ZNF574: variants seen among roughly 807,000 people sequenced by gnomAD.
The protein encoded by ZNF574 is zinc finger protein 574.
ZNF574 carries 25 observed loss-of-function variants against 56.6 expected under a neutral mutation model. That is an observed-to-expected ratio of 0.44 (90% CI 0.32 to 0.62). The LOEUF (loss-of-function observed/expected upper bound fraction) is 0.62. Among genes scored for constraint, ZNF574 ranks in the 20% least tolerant of loss-of-function variants. ZNF574 has a pLI of 0.04. For missense variants in ZNF574, 1,065 were observed against 1,218.9 expected (o/e 0.87, Z 1.88); for synonymous variants, 543 against 492.1 (o/e 1.10, Z -1.37).
In ZNF574 at chr19:42,079,346, C is replaced by G. The variant is rs374849520; in HGVS notation, c.740C>G (p.Pro247Arg). ...GCTCCTGTACCCGAGTCTCAGGAGC[C>G]TGCCTTACAGCAGGAGGTGCAGGCC... is the stretch of plus-strand genomic sequence containing the variant. ...FPAPVPESQE[P>R]ALQQEVQASS... Residue 247 changes from proline (P) to arginine (R), a missense_variant, in exon 2 of 2, where the codon CCT (proline) becomes CGT (arginine). Physicochemically the swap from Pro to Arg is moderately radical, Grantham distance 103. Transcript: ENST00000359044. The surrounding 1 kb of genome is among the most constrained non-coding windows in gnomAD (Gnocchi z 4.3). The G allele has an allele frequency of 6.2e-7, 1 of 1,613,334 alleles. No individual in the cohort carries two copies. The highest frequency in any genetic ancestry group is 8.5e-7 in the Non-Finnish European group (1 of 1,179,660).
upstream of ZNF574, among the ~76,000 whole-genome samples, chr19:42,072,373 T>C (rs901620500): frequency 1.3e-5 from 2 of 151,378 alleles, no homozygotes; most frequent in Non-Finnish European, 2.9e-5. Flanking sequence ...TAGCTGGTAC[T>C]ACAGGCGCCC....
chr19:42,081,014 T>C lies in ZNF574; in HGVS notation c.2408T>C (p.Phe803Ser). 6.2e-7 allele frequency: 1 copy of C among 1,614,212 alleles called. No homozygotes were observed. The highest frequency in any genetic ancestry group is 8.5e-7 in the Non-Finnish European group (1 of 1,180,046). ...PFACEVCGKA[F>S]AISMRLAEHR... ...GCCTGTGAAGTGTGTGGCAAGGCCTTTGCCATCTCCATGCGCCTGGCAGAA... is the reference window on the plus strand; with the variant it reads ...GCCTGTGAAGTGTGTGGCAAGGCCTCTGCCATCTCCATGCGCCTGGCAGAA... Residue 803 changes from phenylalanine to serine, a missense_variant, in exon 2 of 2, where the codon TTT becomes TCT. Physicochemically the swap from Phe to Ser is radical, Grantham distance 155 (BLOSUM62 -2). Transcript: ENST00000359044.
Position 42,078,811 on chromosome 19 carries a change from A to G in ZNF574, c.205A>G (p.Thr69Ala), listed in dbSNP as rs541722211. ...DTASGTGLYQ[T>A]LVQESQYQCL... ...AGCTTCAGGCACGGGCCTCTATCAG[A>G]CCCTTGTGCAGGAGAGCCAGTACCA... The change falls in exon 2 of 2, where the codon ACC (threonine) becomes GCC (alanine). Residue 69 changes from threonine to alanine, a missense_variant. Physicochemically the swap from Thr to Ala is moderately conservative, Grantham distance 58. Transcript: ENST00000359044. The G allele has an allele frequency of 6.2e-7, 1 of 1,613,890 alleles. No individual in the cohort carries two copies. Among genetic ancestry groups the G allele is most frequent in the East Asian group, 2.2e-5 (1 of 44,860 alleles).
upstream of ZNF574, among the ~76,000 whole-genome samples, chr19:42,071,722 C>T (rs911767406): frequency 7.2e-5 from 11 of 152,182 alleles, no homozygotes; most frequent in African/African-American, 2.2e-4. Flanking sequence ...ACCATCCTTT[C>T]GACCAGGGCG....
At chr19:42,076,008 A>T (rs2076452393), upstream of ZNF574, among the ~76,000 whole-genome samples, 1 of 152,196 alleles carries the variant, frequency 6.6e-6, no homozygotes, top group South Asian at 2.1e-4. Flanking sequence ...CGCTGCGGGG[A>T]ATCTCGACGC....
rs566806352 is a variant in ZNF574, at chr19:42,080,905, C to T, written c.2299C>T (p.Pro767Ser). The change falls in exon 2 of 2, where the codon CCA becomes TCA. Residue 767 changes from proline (P) to serine (S), a missense_variant. Pro to Ser is a moderately conservative substitution (Grantham distance 74). Coordinates refer to ENST00000359044, the MANE Select transcript of ZNF574 (RefSeq NM_022752.6). This position sits in a 1 kb window ranked among gnomAD's most constrained non-coding sequence, Gnocchi z 8.5. ...RRIHTGERPYPCPDCGKAFRQ... is the reference protein window; with the variant it reads ...RRIHTGERPYSCPDCGKAFRQ... ...CATCCACACAGGTGAGCGGCCATAC[C>T]CATGTCCAGACTGTGGCAAAGCGTT... The T allele has an allele frequency of 6.2e-7, 1 of 1,613,734 alleles. No individual in the cohort carries two copies. Among genetic ancestry groups the T allele is most frequent in the African/African-American group, 1.3e-5 (1 of 74,852 alleles).
upstream of ZNF574, among the ~76,000 whole-genome samples, chr19:42,071,736 G>A (rs2076425226): frequency 6.6e-6 from 1 of 152,086 alleles, no homozygotes; most frequent in South Asian, 2.1e-4. Context: ...CAGGGCGGTG[G>A]CTCATTCCTG....
At chr19:42,077,949 G>A (rs1001475908) in intron 1 of ZNF574, among the ~76,000 whole-genome samples, 3 of 152,062 alleles carry the variant, frequency 2.0e-5, no homozygotes, top group African/African-American at 7.2e-5. Flanking sequence ...ATAGTTTGAC[G>A]TGAGGAATCT....
At chr19:42,068,904 C>A (rs1197840192) in exon 1 of ZNF574, 4 of 684,848 alleles carry the variant, frequency 5.8e-6, no homozygotes, top group South Asian at 1.5e-5. Flanking sequence ...AAGAGCCAGT[C>A]TGGGACCAGG....
chr19:42,079,510 G>T lies in ZNF574; in HGVS notation c.904G>T (p.Gly302Cys), dbSNP rs2146215512. ...CCGGAGGAACAACAGTGGAGAAGCAGGCGGGGCAGCCACACAGGAGCTCTT... is the reference window on the plus strand; with the variant it reads ...CCGGAGGAACAACAGTGGAGAAGCATGCGGGGCAGCCACACAGGAGCTCTT... ...RARRNNSGEA[G>C]GAATQELFCS... is the part of the protein sequence containing the mutation. The change falls in exon 2 of 2, where the codon GGC becomes TGC. Residue 302 changes from glycine to cysteine, a missense_variant. Transcript: ENST00000359044. The surrounding 1 kb of genome is among the most constrained non-coding windows in gnomAD (Gnocchi z 4.3). The T allele has an allele frequency of 6.2e-7, 1 of 1,613,934 alleles. No homozygotes were observed. Among genetic ancestry groups the T allele is most frequent in the Non-Finnish European group, 8.5e-7 (1 of 1,180,038 alleles).
At position 42,080,949 on chromosome 19, in the gene ZNF574, G is replaced by C. The variant is rs747779543; in HGVS notation, c.2343G>C (p.Leu781=). ...AAGCGTTCCGTCAGAGTACCCACCT[G>C]AAAGACCACCGGCGCCTGCACACAG... ...CGKAFRQSTH[L]KDHRRLHTGE... Residue 781 remains leucine, a synonymous_variant, in exon 2 of 2, where the codon CTG becomes CTC. Transcript: ENST00000359044. This position sits in a 1 kb window ranked among gnomAD's most constrained non-coding sequence, Gnocchi z 8.5. 1 of 1,614,016 alleles carries C rather than the reference G, an allele frequency of 6.2e-7. No individual in the cohort carries two copies. Among genetic ancestry groups the C allele is most frequent in the South Asian group, 1.1e-5 (1 of 91,090 alleles).
In ZNF574 at chr19:42,079,915, C is replaced by G. The variant is rs2076484975; in HGVS notation, c.1309C>G (p.Pro437Ala). ...GGAACCTGTCATTGGTTTCCCTGAG[C>G]CAGCCCCAGCAGAGACTGGAGAGCC... ...PEEPVIGFPE[P>A]APAETGEPEA... The change falls in exon 2 of 2, where the codon CCA becomes GCA. Residue 437 changes from proline to alanine, a missense_variant. Physicochemically the swap from Pro to Ala is conservative, Grantham distance 27 (BLOSUM62 -1). Transcript: ENST00000359044. This position sits in a 1 kb window ranked among gnomAD's most constrained non-coding sequence, Gnocchi z 4.3. 1.2e-6 allele frequency: 2 copies of G among 1,613,968 alleles called. No homozygotes were observed. Among genetic ancestry groups the G allele is most frequent in the South Asian group, 2.2e-5 (2 of 91,086 alleles).
intron 1 of ZNF574, among the ~76,000 whole-genome samples, chr19:42,070,181 G>A (rs1351892327): frequency 1.3e-5 from 2 of 152,058 alleles, no homozygotes; most frequent in Non-Finnish European, 2.9e-5. Context: ...CCCGCCTGCC[G>A]CCTGCGCTGG....
Position 42,081,451 on chromosome 19 carries a change from C to T in ZNF574, c.*154C>T. ...GATTTATTCTCTCGTGAGGGGGGTG[C>T]TCTGGGGTCCTTGACACACATAAAG... is the stretch of plus-strand genomic sequence containing the variant. On this transcript the variant is annotated 3_prime_UTR_variant, in exon 2 of 2. Coordinates refer to ENST00000359044, the MANE Select transcript of ZNF574 (RefSeq NM_022752.6). 1 of 1,021,266 alleles carries T rather than the reference C, an allele frequency of 9.8e-7. No homozygotes were observed. Among genetic ancestry groups the T allele is most frequent in the Non-Finnish European group, 1.5e-6 (1 of 674,976 alleles). The allele number at this position is 1,021,266 out of a possible 1,614,324, so 63.3% of individuals were successfully genotyped here.
upstream of ZNF574, among the ~76,000 whole-genome samples, chr19:42,075,786 C>T (rs751302662): frequency 7.9e-6 from 1 of 127,346 alleles, no homozygotes; most frequent in Non-Finnish European, 1.9e-5. Context: ...GTCCCCAACG[C>T]TGACTCCCTC....
At chr19:42,074,658 G>A (rs1462377138), upstream of ZNF574, 4 of 152,168 alleles carry the variant, frequency 2.6e-5, no homozygotes, top group Non-Finnish European at 4.4e-5. Context: ...ATTCCAATCC[G>A]GGAATCTGTT....
chr19:42,080,642 C>G lies in ZNF574; in HGVS notation c.2036C>G (p.Ala679Gly). ...CGTCGKKVGS[A>G]ARLQAHEAAH... is the part of the protein sequence containing the mutation. ...ACCTGTGGCAAGAAAGTGGGCTCAGCTGCTCGACTGCAGGCACACGAGGCG... is the reference window on the plus strand; with the variant it reads ...ACCTGTGGCAAGAAAGTGGGCTCAGGTGCTCGACTGCAGGCACACGAGGCG... Residue 679 changes from alanine (A) to glycine (G), a missense_variant, in exon 2 of 2, where the codon GCT becomes GGT. By Grantham distance (60) the Ala-to-Gly change is moderately conservative. Coordinates refer to ENST00000359044, the MANE Select transcript of ZNF574 (RefSeq NM_022752.6). The surrounding 1 kb of genome is among the most constrained non-coding windows in gnomAD (Gnocchi z 8.5). The G allele has an allele frequency of 1.2e-6, 2 of 1,612,980 alleles. No individual in the cohort carries two copies. Among genetic ancestry groups the G allele is most frequent in the Non-Finnish European group, 1.7e-6 (2 of 1,179,906 alleles).
chr19:42,075,812 T>C (rs1405166116), upstream of ZNF574, among the ~76,000 whole-genome samples: 3 of 151,614 alleles, frequency 2.0e-5, no homozygotes, highest in Non-Finnish European at 4.4e-5. Flanking sequence ...GTCCCCAAAA[T>C]GGCGCCCGCG....
chr19:42,081,347 C>G lies in ZNF574; in HGVS notation c.*50C>G. 1 of 1,606,250 alleles carries G rather than the reference C, an allele frequency of 6.2e-7. No individual in the cohort carries two copies. The highest frequency in any genetic ancestry group is 1.1e-5 in the South Asian group (1 of 90,846). On this transcript the variant is annotated 3_prime_UTR_variant, in exon 2 of 2. Coordinates refer to ENST00000359044, the MANE Select transcript of ZNF574 (RefSeq NM_022752.6). ...CCTCCATTCCCTGTTGCTGAAGGCC[C>G]TCCAGCATCCCCTTAAGCATCTGTA...
Sources: gnomAD v4.1 joint callset for allele counts (sites outside exome capture counted in the v4.1 genomes callset) on GRCh38, gnomAD v4.1.1 for gene constraint, Gnocchi (gnomAD v3.1) non-coding constraint, MANE v1.5 for transcripts, NCBI Gene and HGNC (gene_info 2026-07-23, HGNC 2026-07-21) for gene names.